ARK2N: variants seen among roughly 807,000 people sequenced by gnomAD.
ARK2N encodes arkadia (RNF111) N-terminal like PKA signaling regulator 2N, also known as protein ARK2N.
At chr18:46,241,911 G>A in the ARK2N span, among the ~76,000 whole-genome samples, 4 of 151,796 alleles carry the variant, frequency 2.6e-5, no homozygotes, top group African/African-American at 9.7e-5. Flanking sequence ...CCGCCTCCTG[G>A]GTTCAAGCGA....
chr18:46,256,467 A>T, the ARK2N span, among the ~76,000 whole-genome samples: 1 of 152,184 alleles, frequency 6.6e-6, no homozygotes, highest in South Asian at 2.1e-4. Context: ...TTATATTTCT[A>T]TGAAAACCTG....
chr18:46,193,588 C>CG, the ARK2N span, among the ~76,000 whole-genome samples: 1 of 131,500 alleles, frequency 7.6e-6, no homozygotes, highest in South Asian at 2.4e-4. Flanking sequence ...TGCGCCCAGC[C>CG]GGGTTTTTTT....
the ARK2N span, among the ~76,000 whole-genome samples, chr18:46,178,354 C>T: frequency 7.2e-5 from 11 of 152,094 alleles, no homozygotes; most frequent in Non-Finnish European, 1.6e-4. Context: ...ACTGCGATGC[C>T]CAGGCTGGAG....
the ARK2N span, among the ~76,000 whole-genome samples, chr18:46,189,608 C>G: frequency 5.9e-5 from 9 of 152,202 alleles, no homozygotes; most frequent in East Asian, 1.7e-3. Flanking sequence ...TATCTTTGGC[C>G]AGGTGTGGTG....
chr18:46,195,962 G>C, the ARK2N span, among the ~76,000 whole-genome samples: 2 of 151,232 alleles, frequency 1.3e-5, no homozygotes, highest in African/African-American at 4.9e-5. Flanking sequence ...TTACTGTCTA[G>C]TCTGTGTTTA....
the ARK2N span, among the ~76,000 whole-genome samples, chr18:46,257,605 T>C: frequency 6.6e-6 from 1 of 152,166 alleles, no homozygotes; most frequent in Non-Finnish European, 1.5e-5. Flanking sequence ...CCAGCATCTC[T>C]AGTTCTTCTC....
chr18:46,179,004 A>G, the ARK2N span, among the ~76,000 whole-genome samples: 2 of 152,030 alleles, frequency 1.3e-5, no homozygotes, highest in Non-Finnish European at 2.9e-5. Context: ...CTGCAGTGTC[A>G]GGATATCTGC....
the ARK2N span, chr18:46,231,980 T>G: frequency 6.6e-6 from 1 of 152,238 alleles, no homozygotes; most frequent in African/African-American, 2.4e-5. Context: ...GGTCTCGAAC[T>G]CCTGACCTCA....
At chr18:46,192,883 CAAAA>C in the ARK2N span, among the ~76,000 whole-genome samples, 1 of 139,472 alleles carries the variant, frequency 7.2e-6, no homozygotes, top group Non-Finnish European at 1.5e-5. Context: ...GAGACTGTCT[CAAAA>C]AAAAAAAAAA....
the ARK2N span, among the ~76,000 whole-genome samples, chr18:46,191,804 T>C: frequency 7.2e-5 from 11 of 152,208 alleles, no homozygotes; most frequent in African/African-American, 2.7e-4. Context: ...CTAAAAATCC[T>C]CTGTGCTCGG....
chr18:46,218,040 T>G, the ARK2N span: 1 of 152,212 alleles, frequency 6.6e-6, no homozygotes, highest in Non-Finnish European at 1.5e-5. Context: ...AATACAATAC[T>G]TACTTCCACT....
chr18:46,228,587 C>A, the ARK2N span, among the ~76,000 whole-genome samples: 1 of 151,944 alleles, frequency 6.6e-6, no homozygotes, highest in East Asian at 1.9e-4. Context: ...ACATAGGTAG[C>A]CTTTTTTATT....
chr18:46,182,610 CCT>C, the ARK2N span, among the ~76,000 whole-genome samples: 1 of 150,998 alleles, frequency 6.6e-6, no homozygotes, highest in Non-Finnish European at 1.5e-5. Context: ...ATTAAAAGAA[CCT>C]CTGTTTTAAA....
chr18:46,210,477 T>C, the ARK2N span, among the ~76,000 whole-genome samples: 2 of 152,110 alleles, frequency 1.3e-5, no homozygotes, highest in African/African-American at 4.8e-5. Flanking sequence ...TTGAATATGA[T>C]GTGATTGTGG....
chr18:46,207,012 G>A, the ARK2N span, among the ~76,000 whole-genome samples: 1 of 152,190 alleles, frequency 6.6e-6, no homozygotes, highest in East Asian at 1.9e-4. Context: ...TTGGATTCAA[G>A]CAATCCTCCC....
At chr18:46,199,649 G>A in the ARK2N span, among the ~76,000 whole-genome samples, 1 of 152,100 alleles carries the variant, frequency 6.6e-6, no homozygotes, top group African/African-American at 2.4e-5. Flanking sequence ...AGAGATTACT[G>A]TAGGAGATTT....
chr18:46,263,755 A>G, the ARK2N span: 1 of 152,818 alleles, frequency 6.5e-6, no homozygotes, highest in East Asian at 1.9e-4. Context: ...TATAAATACT[A>G]CTAAGGTGAC....
At chr18:46,238,789 C>T in the ARK2N span, among the ~76,000 whole-genome samples, 6 of 152,132 alleles carry the variant, frequency 3.9e-5, no homozygotes, top group African/African-American at 4.8e-5. Context: ...TGTTCAGTGA[C>T]AATTGACACA....
the ARK2N span, chr18:46,266,601 C>G: frequency 6.6e-6 from 1 of 152,660 alleles, no homozygotes; most frequent in Non-Finnish European, 1.5e-5. Flanking sequence ...TTAAAGAGTA[C>G]AGAGGCCATT....
Sources: allele counts gnomAD v4.1 joint callset (sites outside exome capture counted in the v4.1 genomes callset), GRCh38; gene constraint gnomAD v4.1.1; transcripts MANE v1.5; gene names NCBI Gene and HGNC (gene_info 2026-07-23, HGNC 2026-07-21).